MACROD2: variants seen among roughly 807,000 people sequenced by gnomAD.
The protein encoded by MACROD2 is mono-ADP ribosylhydrolase 2.
In MACROD2, 36 loss-of-function variants were observed where a neutral mutation model predicts 70.4. The ratio of observed to expected loss-of-function variants is 0.51; its 90% CI spans 0.39 to 0.68. The LOEUF is 0.68. Among genes scored for constraint, MACROD2 ranks in the 30% least tolerant of loss-of-function variants. The pLI is 0.00. For missense variants in MACROD2, 496 were observed against 538.4 expected (o/e 0.92, Z 0.78); for synonymous variants, 172 against 178.8 (o/e 0.96, Z 0.30).
chr20:14,865,679 C>G (rs2073420745), intron 5 of MACROD2, among the ~76,000 whole-genome samples: 1 of 151,848 alleles, frequency 6.6e-6, no homozygotes, highest in Non-Finnish European at 1.5e-5. Flanking sequence ...ATAAATGTAC[C>G]CTTAAATGTA....
rs73897687 is a variant in MACROD2, at chr20:15,574,405, T to C, written c.645+74558T>C. Among the ~76,000 whole-genome samples, 719 of 152,288 alleles carry C rather than the reference T, an allele frequency of 4.7e-3. 5 individuals are homozygous for C. Among genetic ancestry groups the C allele is most frequent in the African/African-American group, 0.017 (691 of 41,560 alleles). On this transcript the variant is annotated intron_variant, in intron 8 of 17. Transcript: ENST00000684519. Reference sequence around the variant, plus strand: ...CCTCTCATCTTATAAGATAGGGTTATATTTAGTTGGCTTTTTTCATAAACA... The same window carrying C: ...CCTCTCATCTTATAAGATAGGGTTACATTTAGTTGGCTTTTTTCATAAACA...
chr20:14,995,239 A>G (rs2074939200), intron 5 of MACROD2, among the ~76,000 whole-genome samples: 1 of 152,146 alleles, frequency 6.6e-6, no homozygotes, highest in African/African-American at 2.4e-5. Context: ...TGTGTGTTTT[A>G]TTTTACTTGA....
chr20:15,241,328 G>A (rs1280271067), intron 6 of MACROD2, among the ~76,000 whole-genome samples: 1 of 152,052 alleles, frequency 6.6e-6, no homozygotes, highest in Non-Finnish European at 1.5e-5. Context: ...TCTACTGATA[G>A]CAGTTTTCAT....
At chr20:15,880,925 T>C (rs1474100032) in intron 9 of MACROD2, among the ~76,000 whole-genome samples, 1 of 152,122 alleles carries the variant, frequency 6.6e-6, no homozygotes, top group African/African-American at 2.4e-5. Flanking sequence ...AAGTCTTGCC[T>C]CTTCTGGAAT....
intron 5 of MACROD2, among the ~76,000 whole-genome samples, chr20:15,203,177 T>G (rs1258273246): frequency 1.3e-5 from 2 of 152,174 alleles, no homozygotes; most frequent in Admixed American, 1.3e-4. Flanking sequence ...TTCAAATATT[T>G]TCCACATTTT....
chr20:16,034,281 G>T (rs726207), intron 15 of MACROD2, among the ~76,000 whole-genome samples: 32,773 of 151,810 alleles, frequency 0.22, 4,088 homozygotes, highest in East Asian at 0.37. Context: ...ACGGTATAGT[G>T]TACCGTGGAC....
intron 4 of MACROD2, among the ~76,000 whole-genome samples, chr20:14,516,004 T>C (rs1180076302): frequency 1.4e-5 from 2 of 147,570 alleles, no homozygotes; most frequent in Admixed American, 6.8e-5. Context: ...TTATATATTA[T>C]ATACTTTATA....
intron 5 of MACROD2, among the ~76,000 whole-genome samples, chr20:14,759,708 A>G (rs79190066): frequency 0.048 from 7,337 of 152,214 alleles, 326 homozygotes; most frequent in East Asian, 0.18. Flanking sequence ...GGCTAAGACA[A>G]AAATGGTATA....
intron 4 of MACROD2, among the ~76,000 whole-genome samples, chr20:14,589,164 C>T (rs919644579): frequency 6.6e-6 from 1 of 151,900 alleles, no homozygotes; most frequent in African/African-American, 2.4e-5. Flanking sequence ...GGATTTTTCT[C>T]TTGTTTTATG....
chr20:14,416,108 A>G (rs1172921306), intron 3 of MACROD2, among the ~76,000 whole-genome samples: 2 of 151,694 alleles, frequency 1.3e-5, no homozygotes, highest in Admixed American at 6.6e-5. Flanking sequence ...ACAGGCACAC[A>G]CCACCACGCC....
intron 8 of MACROD2, among the ~76,000 whole-genome samples, chr20:15,620,593 TA>T (rs1283607293): frequency 1.3e-5 from 2 of 152,144 alleles, no homozygotes; most frequent in Non-Finnish European, 2.9e-5. Flanking sequence ...TTAATATTGT[TA>T]TTAATTTGTT....
At chr20:15,057,766 C>G (rs1041824635) in intron 5 of MACROD2, among the ~76,000 whole-genome samples, 2 of 152,150 alleles carry the variant, frequency 1.3e-5, no homozygotes, top group Non-Finnish European at 2.9e-5. Flanking sequence ...CAATTTCTTC[C>G]CTTCCCCTGT....
At chr20:15,398,109 C>G (rs1291172689) in intron 6 of MACROD2, among the ~76,000 whole-genome samples, 1 of 152,052 alleles carries the variant, frequency 6.6e-6, no homozygotes, top group Non-Finnish European at 1.5e-5. Context: ...TAGTAAAAAT[C>G]AGGTGACTTT....
intron 6 of MACROD2, among the ~76,000 whole-genome samples, chr20:15,358,420 T>C (rs1286080662): frequency 6.6e-6 from 1 of 150,460 alleles, no homozygotes; most frequent in East Asian, 1.9e-4. Context: ...TAATCCTAAC[T>C]GTTCCTGGAC....
chr20:14,604,753 T>C (rs1332653031), intron 4 of MACROD2, among the ~76,000 whole-genome samples: 5 of 152,116 alleles, frequency 3.3e-5, no homozygotes, highest in African/African-American at 1.2e-4. Flanking sequence ...GAGTCCTTCT[T>C]CCAGGAGGAT....
At chr20:14,430,092 A>G (rs6074735) in intron 3 of MACROD2, among the ~76,000 whole-genome samples, 42,460 of 152,152 alleles carry the variant, frequency 0.28, 6,065 homozygotes, top group Admixed American at 0.33. Context: ...AAAGAACAGC[A>G]TGAATCAAGT....
chr20:15,708,987 C>T (rs1000481605), intron 8 of MACROD2, among the ~76,000 whole-genome samples: 15 of 152,092 alleles, frequency 9.9e-5, no homozygotes, highest in Non-Finnish European at 1.9e-4. Flanking sequence ...GACTGCACTC[C>T]AACCCGGGCA....
intron 2 of MACROD2, among the ~76,000 whole-genome samples, chr20:14,007,968 A>G (rs754675349): frequency 3.9e-5 from 6 of 152,216 alleles, no homozygotes; most frequent in Non-Finnish European, 1.5e-5. Flanking sequence ...TCAAGTATAA[A>G]ATATTTTTAA....
At chr20:14,637,223 G>C (rs1483711899) in intron 4 of MACROD2, among the ~76,000 whole-genome samples, 2 of 152,046 alleles carry the variant, frequency 1.3e-5, no homozygotes, top group Non-Finnish European at 2.9e-5. Flanking sequence ...AGTTTGCCTT[G>C]ATTTACATGT....
Sources: allele counts gnomAD v4.1 joint callset (sites outside exome capture counted in the v4.1 genomes callset), GRCh38; gene constraint gnomAD v4.1.1; transcripts MANE v1.5; gene names NCBI Gene and HGNC (gene_info 2026-07-23, HGNC 2026-07-21).